The following CSRP1 variants were observed in gnomAD, a reference collection of about 807,000 sequenced individuals.
CSRP1 encodes the protein cysteine and glycine-rich protein 1.
A neutral mutation model predicts 25.4 loss-of-function variants in CSRP1; 16 were observed. The observed-to-expected ratio is 0.63, with a 90% CI of 0.43 to 0.96. The LOEUF (loss-of-function observed/expected upper bound fraction) is 0.96, where lower values mean the gene tolerates loss of function less well. Ranked by LOEUF, CSRP1 falls within the 40% of genes least tolerant of loss-of-function variation. CSRP1 has a pLI of 0.00. For missense variants in CSRP1, 212 were observed against 243.6 expected (o/e 0.87, Z 0.86); for synonymous variants, 97 against 95.3 (o/e 1.02, Z -0.10).
At position 201,483,708 on chromosome 1, in the gene CSRP1, G is replaced by A. The variant is rs1664043238; in HGVS notation, c.*1005C>T. 2 of 333,230 alleles carry A rather than the reference G, an allele frequency of 6.0e-6. No individual in the cohort carries two copies. The highest frequency in any genetic ancestry group is 1.1e-5 in the Non-Finnish European group (2 of 176,288). The allele number at this position is 333,230 out of a possible 1,614,324, so 20.6% of individuals were successfully genotyped here. A position where few individuals can be genotyped will look rare whatever the true frequency, so the allele number is the denominator to read the frequency against. On this transcript the variant is annotated 3_prime_UTR_variant, in exon 6 of 6. Transcript: ENST00000340006. ...TCCTAACCTGGGGCCTGGCAGGGGT[G>A]GAGTGATGTGATCTAAGGGTCCCTG...
intron 1 of CSRP1, among the ~76,000 whole-genome samples, chr1:201,499,250 C>T (rs1664595401): frequency 6.6e-6 from 1 of 152,206 alleles, no homozygotes; most frequent in Non-Finnish European, 1.5e-5. Flanking sequence ...GCCTGATCAT[C>T]GGCCATTTCC....
chr1:201,503,350 G>A (rs751594615), intron 1 of CSRP1, among the ~76,000 whole-genome samples: 2 of 152,140 alleles, frequency 1.3e-5, no homozygotes. Flanking sequence ...ATTTTTCTTT[G>A]ATTAATTTTT....
intron 4 of CSRP1, chr1:201,486,889 C>T (rs1664163662): frequency 8.1e-7 from 1 of 1,240,040 alleles, no homozygotes; most frequent in East Asian, 5.9e-5. Flanking sequence ...CTTAGCTATT[C>T]TTAATAATTT....
At chr1:201,487,074 C>T in intron 4 of CSRP1, 2 of 899,804 alleles carry the variant, frequency 2.2e-6, no homozygotes, top group Non-Finnish European at 3.2e-6. Flanking sequence ...ACATACCAGG[C>T]ACTACATTGC....
At chr1:201,494,535 C>T (rs1482959885) in intron 2 of CSRP1, among the ~76,000 whole-genome samples, 1 of 152,254 alleles carries the variant, frequency 6.6e-6, no homozygotes, top group Non-Finnish European at 1.5e-5. Context: ...AGACGCAGCC[C>T]TGGAGCTGTC....
chr1:201,498,009 C>G (rs1184496451), intron 1 of CSRP1, among the ~76,000 whole-genome samples: 1 of 131,894 alleles, frequency 7.6e-6, no homozygotes, highest in African/African-American at 2.8e-5. Flanking sequence ...GACTCCGTCT[C>G]AAAAAAAAAA....
chr1:201,494,830 G>C (rs80045823), intron 2 of CSRP1, among the ~76,000 whole-genome samples: 6 of 130,618 alleles, frequency 4.6e-5, no homozygotes, highest in Middle Eastern at 4.3e-3. Context: ...CAGTGTGCGT[G>C]TGTGTGTGTG....
intron 4 of CSRP1, 55 bp from the exon 5 acceptor site, chr1:201,485,431 A>AC (rs1450535037): frequency 1.5e-5 from 23 of 1,497,010 alleles, no homozygotes; most frequent in Non-Finnish European, 2.0e-5. Context: ...GGTACCCTCC[A>AC]CCCCAGGCCC....
rs1664848544 is a variant in CSRP1 at position 201,507,096 on chromosome 1, G to C, written c.-28C>G. 6.6e-6 allele frequency: 1 copy of C among 152,254 alleles called. No individual in the cohort carries two copies. The highest frequency in any genetic ancestry group is 2.4e-5 in the African/African-American group (1 of 41,460). 9.4% of individuals were successfully genotyped at this position (152,254 alleles called of 1,614,324 possible). ...TGGCAGCTGGCTCGGCGGCGCAGGG[G>C]CGGCAGGCGCTCTCGGAAGTGGCGG... On this transcript the variant is annotated 5_prime_UTR_variant, in exon 1 of 6. Transcript: ENST00000340006.
chr1:201,485,257 C>T, intron 5 of CSRP1, 26 bp downstream of exon 5: 1 of 1,611,344 alleles, frequency 6.2e-7, no homozygotes, highest in Non-Finnish European at 8.5e-7. Flanking sequence ...GCCTCCTGAC[C>T]CTCAATTAGA....
chr1:201,485,433 C>T, intron 4 of CSRP1, 57 bp from the exon 5 acceptor site: 1 of 1,465,404 alleles, frequency 6.8e-7, no homozygotes, highest in South Asian at 1.1e-5. Context: ...TACCCTCCAC[C>T]CCAGGCCCAC....
intron 1 of CSRP1, among the ~76,000 whole-genome samples, chr1:201,497,090 C>T (rs562612119): frequency 6.6e-6 from 1 of 152,234 alleles, no homozygotes; most frequent in South Asian, 2.1e-4. Flanking sequence ...GTGGCTCACG[C>T]CTGTAATCCC....
intron 2 of CSRP1, chr1:201,491,070 T>C (rs1312412200): frequency 1.3e-5 from 2 of 152,184 alleles, no homozygotes; most frequent in Non-Finnish European, 2.9e-5. Context: ...TGGTCTGAGC[T>C]GGAAAGGCTG....
chr1:201,504,278 G>A (rs1454050472), intron 1 of CSRP1, among the ~76,000 whole-genome samples: 2 of 152,216 alleles, frequency 1.3e-5, no homozygotes, highest in East Asian at 1.9e-4. Flanking sequence ...GTAAAATGGA[G>A]AGCATCAGTA....
At chr1:201,490,129 G>T (rs778297380) in intron 3 of CSRP1, 47 bp downstream of exon 3, 12 of 1,577,486 alleles carry the variant, frequency 7.6e-6, no homozygotes, top group Non-Finnish European at 1.0e-5. Flanking sequence ...AATACAGGGT[G>T]GGGGAGAGAG....
At chr1:201,489,080 G>C in intron 3 of CSRP1, 96 bp from the exon 4 acceptor site, 13 of 1,511,030 alleles carry the variant, frequency 8.6e-6, no homozygotes, top group Non-Finnish European at 1.2e-5. Flanking sequence ...TCTCATGCCA[G>C]AGCAGCGCGC....
chr1:201,493,824 G>A (rs996503872), intron 2 of CSRP1, among the ~76,000 whole-genome samples: 5 of 152,224 alleles, frequency 3.3e-5, no homozygotes, highest in African/African-American at 1.2e-4. Flanking sequence ...CCTGAATGGG[G>A]TGAACACTTA....
At chr1:201,492,314 A>C (rs2102407783) in intron 2 of CSRP1, 1 of 152,400 alleles carries the variant, frequency 6.6e-6, no homozygotes, top group South Asian at 2.1e-4. Flanking sequence ...TCCCCTGCCG[A>C]GGACCTCCCT....
intron 1 of CSRP1, chr1:201,496,506 A>G (rs527970901): frequency 1.7e-4 from 103 of 599,888 alleles, no homozygotes; most frequent in East Asian, 1.0e-3. Context: ...CCTCCCCCCA[A>G]TCTAATCAAC....
Sources: allele counts gnomAD v4.1 joint callset (sites outside exome capture counted in the v4.1 genomes callset), GRCh38; gene constraint gnomAD v4.1.1; transcripts MANE v1.5; gene names NCBI Gene and HGNC (gene_info 2026-07-23, HGNC 2026-07-21).